ARHGDIB: variants seen among roughly 807,000 people sequenced by gnomAD.
ARHGDIB encodes the protein Rho GDP dissociation inhibitor beta.
ARHGDIB carries 20 observed loss-of-function variants against 22.6 expected under a neutral mutation model. The ratio of observed to expected loss-of-function variants is 0.88; its 90% CI spans 0.62 to 1.28. The LOEUF (loss-of-function observed/expected upper bound fraction) is 1.28, where lower values mean the gene tolerates loss of function less well. Ranked by LOEUF, ARHGDIB falls within the 50% of genes most tolerant of loss-of-function variation. ARHGDIB has a pLI of 0.00. For synonymous variants in ARHGDIB, 114 were observed against 96.1 expected (o/e 1.19, Z -1.09); for missense variants, 254 against 245.4 (o/e 1.04, Z -0.23).
chr12:14,953,678 G>C (rs1344736608), intron 1 of ARHGDIB, among the ~76,000 whole-genome samples: 1 of 151,998 alleles, frequency 6.6e-6, no homozygotes, highest in African/African-American at 2.4e-5. Flanking sequence ...ATATGATCCA[G>C]GGGTTTGTGG....
chr12:14,956,149 A>T (rs1864296926), intron 1 of ARHGDIB: 1 of 152,156 alleles, frequency 6.6e-6, no homozygotes, highest in African/African-American at 2.4e-5. Flanking sequence ...ATAAAATTAG[A>T]GTTTGTTAGT....
rs749179522 is a variant in ARHGDIB at position 14,950,660 on chromosome 12, A to C, written c.53T>G (p.Leu18Arg). The change falls in exon 2 of 6, where the codon CTG becomes CGG. Residue 18 changes from leucine (L) to arginine (R), a missense_variant. Transcript: ENST00000228945. ...PHVEEDDDDE[L>R]DSKLNYKPPP... is the part of the protein sequence containing the mutation. The stretch of plus-strand genomic sequence containing the variant: ...AGGCTTATAATTGAGCTTGCTGTCC[A>C]GCTCATCATCGTCATCCTCCTCCAC... 5 of 1,613,896 alleles carry C rather than the reference A, an allele frequency of 3.1e-6. No individual in the cohort carries two copies. In the Admixed American group the frequency reaches 8.3e-5, roughly 27 times the overall value.
intron 1 of ARHGDIB, among the ~76,000 whole-genome samples, chr12:14,955,101 C>G (rs1864271182): frequency 6.6e-6 from 1 of 152,142 alleles, no homozygotes; most frequent in African/African-American, 2.4e-5. Context: ...CAGGTCTTTG[C>G]ATAATAAAGG....
At chr12:14,961,332 C>T (rs986879220) in intron 1 of ARHGDIB, 7 of 152,248 alleles carry the variant, frequency 4.6e-5, no homozygotes, top group Non-Finnish European at 1.0e-4. Flanking sequence ...AAGCCTCCTC[C>T]CCTGAGTCAC....
Position 14,942,333 on chromosome 12 carries a change from G to T in ARHGDIB, c.*189C>A. 1 of 635,498 alleles carries T rather than the reference G, an allele frequency of 1.6e-6. No homozygotes were observed. Among genetic ancestry groups the T allele is most frequent in the East Asian group, 2.8e-5 (1 of 35,582 alleles). 39.4% of individuals were successfully genotyped at this position (635,498 alleles called of 1,614,324 possible). A position where few individuals can be genotyped will look rare whatever the true frequency, so the allele number is the denominator to read the frequency against. Reference sequence around the variant, plus strand: ...GAGGATCAGAGGGAGCAGGTTGGGTGAAAGCCCGGTTTTAAGCCTCTTGTT... The same window carrying T: ...GAGGATCAGAGGGAGCAGGTTGGGTTAAAGCCCGGTTTTAAGCCTCTTGTT... On this transcript the variant is annotated 3_prime_UTR_variant, in exon 6 of 6. Transcript: ENST00000228945.
At chr12:14,957,918 A>T (rs2120761873) in intron 1 of ARHGDIB, among the ~76,000 whole-genome samples, 1 of 152,022 alleles carries the variant, frequency 6.6e-6, no homozygotes, top group East Asian at 1.9e-4. Flanking sequence ...AGAGAGAGAA[A>T]AGTGGAAATA....
chr12:14,948,390 T>C (rs1162217647), intron 3 of ARHGDIB, among the ~76,000 whole-genome samples: 1 of 152,198 alleles, frequency 6.6e-6, no homozygotes, highest in East Asian at 1.9e-4. Context: ...CAGCTATTTG[T>C]TTTTATAGAT....
At position 14,947,794 on chromosome 12, in the gene ARHGDIB, C is replaced by T. The variant is rs981847870; in HGVS notation, c.342+79G>A. 1.2e-5 allele frequency: 15 copies of T among 1,248,438 alleles called. No homozygotes were observed. The South Asian group carries it at 1.6e-4, about 13-fold the overall frequency. 77.3% of individuals were successfully genotyped at this position (1,248,438 alleles called of 1,614,324 possible). ...GAGAAACAAACAAAAAGTACCTCAACATGATCATGCAAGAAATGTAGTCAC... is the reference window on the plus strand; with the variant it reads ...GAGAAACAAACAAAAAGTACCTCAATATGATCATGCAAGAAATGTAGTCAC... On this transcript the variant is annotated intron_variant, in intron 4 of 5. Coordinates refer to ENST00000228945, the MANE Select transcript of ARHGDIB (RefSeq NM_001175.7).
chr12:14,944,187 A>C (rs1863952914), intron 5 of ARHGDIB, among the ~76,000 whole-genome samples: 1 of 151,102 alleles, frequency 6.6e-6, no homozygotes, highest in Non-Finnish European at 1.5e-5. Context: ...TTAATGAAAG[A>C]AAATTGAAGG....
In ARHGDIB at chr12:14,948,100, G is replaced by GCGCA. The variant is rs71926892; in HGVS notation, c.266-152_266-151insTGCG. The GCGCA allele has an allele frequency of 2.8e-5, 12 of 436,254 alleles. 1 individual carries two copies. Among genetic ancestry groups the GCGCA allele is most frequent in the East Asian group, 7.8e-5 (2 of 25,766 alleles). 27.0% of individuals were successfully genotyped at this position (436,254 alleles called of 1,614,324 possible). ...CACAGAGTATTTGAGTTTAGTCCTT[G>GCGCA]CACACACACACACACACACACACAC... On this transcript the variant is annotated intron_variant, in intron 3 of 5. Coordinates refer to ENST00000228945, the MANE Select transcript of ARHGDIB (RefSeq NM_001175.7).
chr12:14,955,021 CT>C (rs1864269592), intron 1 of ARHGDIB, among the ~76,000 whole-genome samples: 3 of 152,098 alleles, frequency 2.0e-5, no homozygotes, highest in Non-Finnish European at 4.4e-5. Flanking sequence ...CCAACAGATG[CT>C]GCATATTTTA....
At chr12:14,958,074 T>C (rs1430697663) in intron 1 of ARHGDIB, among the ~76,000 whole-genome samples, 2 of 152,120 alleles carry the variant, frequency 1.3e-5, no homozygotes, top group African/African-American at 2.4e-5. Context: ...GTCTGGAGAG[T>C]CAGGCCATCT....
intron 1 of ARHGDIB, among the ~76,000 whole-genome samples, chr12:14,954,984 A>G (rs1864268850): frequency 6.6e-6 from 1 of 152,224 alleles, no homozygotes; most frequent in Non-Finnish European, 1.5e-5. Context: ...AAATTTAAAA[A>G]TTAAAAAATA....
chr12:14,954,194 G>T (rs1327486726), intron 1 of ARHGDIB, among the ~76,000 whole-genome samples: 1 of 152,074 alleles, frequency 6.6e-6, no homozygotes, highest in Non-Finnish European at 1.5e-5. Context: ...GCCCAGGCTG[G>T]TCTTGAACAC....
intron 1 of ARHGDIB, among the ~76,000 whole-genome samples, chr12:14,956,729 A>T (rs1396114045): frequency 6.6e-6 from 1 of 152,198 alleles, no homozygotes; most frequent in Non-Finnish European, 1.5e-5. Flanking sequence ...ACAGATGCGC[A>T]TACAGATTAA....
chr12:14,948,344 A>G (rs1243633120), intron 3 of ARHGDIB, among the ~76,000 whole-genome samples: 1 of 152,150 alleles, frequency 6.6e-6, no homozygotes, highest in Admixed American at 6.5e-5. Context: ...TTACCCCTCA[A>G]ATAAAACATA....
chr12:14,945,887 C>A (rs1312230262), intron 4 of ARHGDIB, among the ~76,000 whole-genome samples: 1 of 152,162 alleles, frequency 6.6e-6, no homozygotes, highest in Non-Finnish European at 1.5e-5. Flanking sequence ...TGTGATAAAG[C>A]CCAGGCTTTC....
At chr12:14,960,367 A>C (rs1174768018) in intron 1 of ARHGDIB, among the ~76,000 whole-genome samples, 1 of 152,184 alleles carries the variant, frequency 6.6e-6, no homozygotes, top group Non-Finnish European at 1.5e-5. Context: ...TCAGACCTTG[A>C]CATTTTGAAG....
At chr12:14,946,067 G>A (rs1379304047) in intron 4 of ARHGDIB, among the ~76,000 whole-genome samples, 4 of 152,202 alleles carry the variant, frequency 2.6e-5, no homozygotes, top group Admixed American at 6.5e-5. Context: ...TCTCACCAGC[G>A]CTCTTCAGTG....
Sources: gnomAD v4.1 joint callset for allele counts (sites outside exome capture counted in the v4.1 genomes callset) on GRCh38, gnomAD v4.1.1 for gene constraint, MANE v1.5 for transcripts, NCBI Gene and HGNC (gene_info 2026-07-23, HGNC 2026-07-21) for gene names.